The following THADA variants were observed in gnomAD, a reference collection of about 807,000 sequenced individuals.
THADA encodes the protein tRNA (32-2'-O)-methyltransferase regulator THADA.
In THADA, 213 loss-of-function variants were observed where a neutral mutation model predicts 219.8. The ratio of observed to expected loss-of-function variants is 0.97; its 90% CI spans 0.87 to 1.09. THADA has a LOEUF of 1.09. THADA is among the 50% of genes least tolerant of loss of function. The probability of loss-of-function intolerance (pLI) is 0.00; values close to 1 mark genes in which losing one functional copy is unlikely to be tolerated. For missense variants in THADA, 2,956 were observed against 2,311.3 expected (o/e 1.28, Z -5.72); for synonymous variants, 1,018 against 828.9 (o/e 1.23, Z -3.92).
At chr2:43,270,990 C>G (rs560167513) in intron 36 of THADA, among the ~76,000 whole-genome samples, 3 of 152,330 alleles carry the variant, frequency 2.0e-5, no homozygotes, top group South Asian at 2.1e-4. Context: ...CCTGTCCCCC[C>G]ACTGGCCTGC....
Position 43,300,618 on chromosome 2 carries a change from GA to G in THADA, c.4439-7406del, listed in dbSNP as rs892299050. Among the ~76,000 whole-genome samples the G allele has an allele frequency of 2.6e-4, 40 of 152,290 alleles. 1 individual carries two copies. The highest frequency in any genetic ancestry group is 8.7e-4 in the African/African-American group (36 of 41,562). On this transcript the variant is annotated intron_variant, in intron 31 of 37. Coordinates refer to ENST00000405975, the MANE Select transcript of THADA (RefSeq NM_022065.5). ...CAGGAACCTTGCTGGGAGAGGAGAG[GA>G]AAGGGCAAACGTGTCAGGGAGAGTT...
At chr2:43,532,646 C>A (rs868018015) in intron 21 of THADA, among the ~76,000 whole-genome samples, 6 of 152,182 alleles carry the variant, frequency 3.9e-5, no homozygotes, top group Middle Eastern at 6.8e-3. Flanking sequence ...GCCAATATCA[C>A]ACTGAATGGG....
chr2:43,515,214 AAT>A (rs1691424008), intron 22 of THADA, among the ~76,000 whole-genome samples: 1 of 19,620 alleles, frequency 5.1e-5, no homozygotes, highest in East Asian at 1.4e-3. Flanking sequence ...TATAATATAT[AAT>A]ATATTATATA....
chr2:43,508,795 T>A lies in THADA; in HGVS notation c.3375-15A>T, dbSNP rs1272068355. 2 of 1,610,646 alleles carry A rather than the reference T, an allele frequency of 1.2e-6. No individual in the cohort carries two copies. Among genetic ancestry groups the A allele is most frequent in the Admixed American group, 3.4e-5 (2 of 59,274 alleles). On this transcript the variant is annotated splice_polypyrimidine_tract_variant and intron_variant, in intron 22 of 37. Transcript: ENST00000405975. ...CATTTGGGCACCTAAAAGGCATATA[T>A]AATCAAATATTCGGAATTAGGTATC...
chr2:43,371,740 T>C (rs1416223300), intron 29 of THADA, among the ~76,000 whole-genome samples: 1 of 152,224 alleles, frequency 6.6e-6, no homozygotes, highest in Non-Finnish European at 1.5e-5. Flanking sequence ...AAAACTATTT[T>C]GCTGTCCATG....
intron 22 of THADA, among the ~76,000 whole-genome samples, chr2:43,511,721 C>G (rs1221965100): frequency 1.3e-5 from 2 of 152,170 alleles, no homozygotes; most frequent in African/African-American, 4.8e-5. Context: ...TTCATCCAAA[C>G]TGATGAAACT....
intron 26 of THADA, among the ~76,000 whole-genome samples, chr2:43,446,837 G>T (rs138746830): frequency 6.6e-6 from 1 of 152,304 alleles, no homozygotes; most frequent in African/African-American, 2.4e-5. Flanking sequence ...CATAGTTCTA[G>T]AAGTCAGAAG....
intron 26 of THADA, among the ~76,000 whole-genome samples, chr2:43,476,266 A>T (rs1198190599): frequency 6.6e-6 from 1 of 152,170 alleles, no homozygotes; most frequent in African/African-American, 2.4e-5. Context: ...AAGAAACAGA[A>T]ATGCACAAGG....
chr2:43,398,971 C>G (rs1674441346), intron 28 of THADA, among the ~76,000 whole-genome samples: 1 of 152,122 alleles, frequency 6.6e-6, no homozygotes, highest in South Asian at 2.1e-4. Context: ...AAGTCCTGGA[C>G]AAGTTATTTT....
intron 29 of THADA, among the ~76,000 whole-genome samples, chr2:43,386,971 T>C (rs898718854): frequency 6.6e-6 from 1 of 152,082 alleles, no homozygotes; most frequent in African/African-American, 2.4e-5. Context: ...ATCCACGAGT[T>C]TCCTTTCTGA....
intron 34 of THADA, among the ~76,000 whole-genome samples, chr2:43,287,442 G>A (rs113866579): frequency 6.6e-6 from 1 of 152,004 alleles, no homozygotes; most frequent in Non-Finnish European, 1.5e-5. Context: ...GTACAGGTGT[G>A]TGCCACCACA....
chr2:43,543,228 T>C (rs2103827659), intron 20 of THADA, among the ~76,000 whole-genome samples: 1 of 138,770 alleles, frequency 7.2e-6, no homozygotes, highest in East Asian at 2.0e-4. Flanking sequence ...GGCTGCATAG[T>C]ATTCCATGGT....
chr2:43,563,194 T>C (rs1373553233), intron 15 of THADA: 1 of 152,252 alleles, frequency 6.6e-6, no homozygotes, highest in Admixed American at 6.5e-5. Flanking sequence ...AGCTATAACT[T>C]TCCCTATAAG....
chr2:43,534,828 T>G (rs1352679372), intron 21 of THADA, among the ~76,000 whole-genome samples: 1 of 152,168 alleles, frequency 6.6e-6, no homozygotes, highest in Non-Finnish European at 1.5e-5. Flanking sequence ...ATCTCTTCAA[T>G]ATACTGATTT....
intron 26 of THADA, among the ~76,000 whole-genome samples, chr2:43,455,539 C>G (rs905184885): frequency 4.0e-5 from 6 of 151,848 alleles, no homozygotes. Context: ...CACACACACA[C>G]ACAAACACAC....
intron 8 of THADA, among the ~76,000 whole-genome samples, chr2:43,580,511 G>C (rs1363373560): frequency 3.3e-5 from 5 of 151,912 alleles, no homozygotes; most frequent in Admixed American, 2.0e-4. Flanking sequence ...TAATACCTGA[G>C]AACCCAGGCA....
chr2:43,359,719 T>C (rs571097297), intron 29 of THADA, among the ~76,000 whole-genome samples: 71 of 151,986 alleles, frequency 4.7e-4, no homozygotes, highest in Non-Finnish European at 2.8e-4. Context: ...CCTTTTACTC[T>C]TAGGCATTTT....
At chr2:43,244,836 T>C (rs1668966982) in intron 36 of THADA, among the ~76,000 whole-genome samples, 1 of 152,204 alleles carries the variant, frequency 6.6e-6, no homozygotes, top group African/African-American at 2.4e-5. Context: ...TCTGACCAGG[T>C]GGTAAGTGCC....
At chr2:43,394,265 C>T (rs767108412) in intron 29 of THADA, among the ~76,000 whole-genome samples, 5 of 152,188 alleles carry the variant, frequency 3.3e-5, no homozygotes, top group Non-Finnish European at 5.9e-5. Context: ...ATGAATCCCA[C>T]ATGTTCTTTT....
Sources: gnomAD v4.1 joint callset for allele counts (sites outside exome capture counted in the v4.1 genomes callset) on GRCh38, gnomAD v4.1.1 for gene constraint, MANE v1.5 for transcripts, NCBI Gene and HGNC (gene_info 2026-07-23, HGNC 2026-07-21) for gene names.